TOMM20: variants seen among roughly 807,000 people sequenced by gnomAD.
TOMM20 encodes the protein mitochondrial import receptor subunit TOM20 homolog.
TOMM20 carries 10 observed loss-of-function variants against 22.1 expected under a neutral mutation model. The ratio of observed to expected loss-of-function variants is 0.45; its 90% CI spans 0.28 to 0.77. The LOEUF is 0.77. Among genes scored for constraint, TOMM20 ranks in the 30% least tolerant of loss-of-function variants. TOMM20 has a pLI of 0.13. For missense variants in TOMM20, 121 were observed against 172.2 expected, an observed-to-expected ratio of 0.70 and a Z score of 1.66; for synonymous variants, 55 against 61.4, an observed-to-expected ratio of 0.90 and a Z score of 0.49.
intron 3 of TOMM20, 34 bp downstream of exon 3, chr1:235,119,784 C>T (rs1462500543): frequency 6.9e-7 from 1 of 1,439,808 alleles, no homozygotes; most frequent in South Asian, 1.3e-5. Flanking sequence ...GAGAAAAATT[C>T]TACCCATTTC....
At chr1:235,118,473 T>C (rs189539140) in intron 3 of TOMM20, among the ~76,000 whole-genome samples, 29 of 152,334 alleles carry the variant, frequency 1.9e-4, no homozygotes, top group African/African-American at 6.5e-4. Context: ...GTAGGAGACT[T>C]GGAAATGTTT....
Position 235,119,877 on chromosome 1 carries a change from T to G in TOMM20, c.191A>C (p.Glu64Ala). ...TTCAAGGAAGAACTTCTGAACAGCTTCAGCATCTTTAAGGTCAGGTAACTG... is the reference window on the plus strand; with the variant it reads ...TTCAAGGAAGAACTTCTGAACAGCTGCAGCATCTTTAAGGTCAGGTAACTG... ...LSKLPDLKDAEAVQKFFLEEI... is the reference protein window; with the variant it reads ...LSKLPDLKDAAAVQKFFLEEI... Residue 64 changes from glutamate to alanine, a missense_variant, in exon 3 of 5, where the codon GAA becomes GCA. Coordinates refer to ENST00000366607, the MANE Select transcript of TOMM20 (RefSeq NM_014765.3). The G allele has an allele frequency of 1.9e-6, 3 of 1,611,562 alleles. No homozygotes were observed. Among genetic ancestry groups the G allele is most frequent in the Non-Finnish European group, 2.5e-6 (3 of 1,178,476 alleles).
At chr1:235,116,291 A>G (rs999082584) in intron 3 of TOMM20, among the ~76,000 whole-genome samples, 1 of 152,122 alleles carries the variant, frequency 6.6e-6, no homozygotes, top group African/African-American at 2.4e-5. Flanking sequence ...CTGTAATCCC[A>G]GCACTTTGGG....
At chr1:235,116,571 C>T (rs1201861210) in intron 3 of TOMM20, among the ~76,000 whole-genome samples, 6 of 151,176 alleles carry the variant, frequency 4.0e-5, no homozygotes, top group Non-Finnish European at 5.9e-5. Context: ...TGGTGGCACA[C>T]GCCTGTAATC....
At chr1:235,125,363 C>T (rs1660993661) in intron 1 of TOMM20, among the ~76,000 whole-genome samples, 1 of 152,238 alleles carries the variant, frequency 6.6e-6, no homozygotes, top group East Asian at 1.9e-4. Flanking sequence ...TACAGGCACC[C>T]GCCACCATGC....
At chr1:235,122,092 T>C (rs910062059) in intron 2 of TOMM20, among the ~76,000 whole-genome samples, 1 of 152,228 alleles carries the variant, frequency 6.6e-6, no homozygotes, top group African/African-American at 2.4e-5. Context: ...TTATTGTTCA[T>C]ACAGTAAGCT....
At chr1:235,124,753 T>G (rs1660984053) in intron 1 of TOMM20, among the ~76,000 whole-genome samples, 1 of 152,244 alleles carries the variant, frequency 6.6e-6, no homozygotes, top group Non-Finnish European at 1.5e-5. Flanking sequence ...TTAAGATCAC[T>G]TAGTTGCTTT....
At chr1:235,117,183 G>A (rs1302136546) in intron 3 of TOMM20, among the ~76,000 whole-genome samples, 1 of 144,190 alleles carries the variant, frequency 6.9e-6, no homozygotes, top group African/African-American at 2.6e-5. Context: ...AATAGACCAG[G>A]TGCAGTGGCT....
chr1:235,125,703 C>A (rs1019148353), intron 1 of TOMM20, among the ~76,000 whole-genome samples: 10 of 151,222 alleles, frequency 6.6e-5, no homozygotes, highest in Admixed American at 6.6e-4. Context: ...AGGCAAAATA[C>A]CCCTAAACTT....
chr1:235,112,716 T>A (rs1428314120), intron 4 of TOMM20, among the ~76,000 whole-genome samples: 1 of 152,168 alleles, frequency 6.6e-6, no homozygotes, highest in Non-Finnish European at 1.5e-5. Context: ...AGAACACTGA[T>A]AATTGAGTGA....
At chr1:235,117,556 C>A (rs1290625158) in intron 3 of TOMM20, among the ~76,000 whole-genome samples, 1 of 151,834 alleles carries the variant, frequency 6.6e-6, no homozygotes, top group Non-Finnish European at 1.5e-5. Context: ...TTAAGTATGT[C>A]TTAGGGAATA....
chr1:235,116,471 G>C lies in TOMM20; in HGVS notation c.251-2561C>G, dbSNP rs938888387. On this transcript the variant is annotated intron_variant, in intron 3 of 4. Transcript: ENST00000366607. ...AGAGAATCGCTTGAACCTGGAAGAC[G>C]GAAGTTGCAGTGAGCAAGATCATGC... 4.6e-5 allele frequency among the ~76,000 whole-genome samples: 7 copies of C among 151,960 alleles called. No homozygotes were observed. The East Asian group carries it at 1.4e-3, about 29-fold the overall frequency.
At chr1:235,124,136 C>G (rs1462942772) in intron 1 of TOMM20, among the ~76,000 whole-genome samples, 1 of 152,238 alleles carries the variant, frequency 6.6e-6, no homozygotes, top group African/African-American at 2.4e-5. Context: ...CACTGGAGGT[C>G]AGGAGTTCAA....
At chr1:235,121,515 AT>A (rs1396696228) in intron 2 of TOMM20, among the ~76,000 whole-genome samples, 4 of 152,192 alleles carry the variant, frequency 2.6e-5, no homozygotes, top group Non-Finnish European at 5.9e-5. Context: ...GTTTCCTCCC[AT>A]TTTCACTTCA....
chr1:235,122,334 G>A lies in TOMM20; in HGVS notation c.160C>T (p.Leu54Phe), dbSNP rs769464461. The A allele has an allele frequency of 9.0e-6, 14 of 1,555,804 alleles. No individual in the cohort carries two copies. Among genetic ancestry groups the A allele is most frequent in the Non-Finnish European group, 1.2e-5 (14 of 1,152,986 alleles). The change falls in exon 2 of 5, where the codon CTT becomes TTT. Residue 54 changes from leucine to phenylalanine, a missense_variant. Leu to Phe is a conservative substitution (Grantham distance 22). Coordinates refer to ENST00000366607, the MANE Select transcript of TOMM20 (RefSeq NM_014765.3). Reference sequence around the variant, plus strand: ...AGAAACCAGACTATTACCTTGGAAAGCCCAGCTCTCTCCTTGGCAAGCTTC... The same window carrying A: ...AGAAACCAGACTATTACCTTGGAAAACCCAGCTCTCTCCTTGGCAAGCTTC... ...KQKLAKERAGLSKLPDLKDAE... is the reference protein window; with the variant it reads ...KQKLAKERAGFSKLPDLKDAE...
rs1572125424 is a variant in TOMM20, at chr1:235,111,822, C to A, written c.*242G>T. On this transcript the variant is annotated 3_prime_UTR_variant, in exon 5 of 5. Transcript: ENST00000366607. ...CTATGTTTCAGGAATAAACAAAATCCATGATATTTTAGTAACTCATAGTGT... is the reference window on the plus strand; with the variant it reads ...CTATGTTTCAGGAATAAACAAAATCAATGATATTTTAGTAACTCATAGTGT... 1.9e-5 allele frequency: 8 copies of A among 430,380 alleles called. No individual in the cohort carries two copies. The East Asian group carries it at 3.7e-4, about 20-fold the overall frequency. 26.7% of individuals were successfully genotyped at this position (430,380 alleles called of 1,614,324 possible).
rs750150908 is a variant in TOMM20, at chr1:235,112,112, A to T, written c.394-4T>A. 6.3e-7 allele frequency: 1 copy of T among 1,599,686 alleles called. No homozygotes were observed. Among genetic ancestry groups the T allele is most frequent in the South Asian group, 1.1e-5 (1 of 88,150 alleles). On this transcript the variant is annotated splice_polypyrimidine_tract_variant and splice_region_variant and intron_variant, in intron 4 of 4. Coordinates refer to ENST00000366607, the MANE Select transcript of TOMM20 (RefSeq NM_014765.3). ...AGCTCTGAGCACTTACAATTCTCTGAAAGAAAAAAAAAATAATTTTTTAAA... is the reference window on the plus strand; with the variant it reads ...AGCTCTGAGCACTTACAATTCTCTGTAAGAAAAAAAAAATAATTTTTTAAA...
chr1:235,113,637 T>A (rs1660778777), intron 4 of TOMM20, 131 bp downstream of exon 4: 6 of 1,166,120 alleles, frequency 5.1e-6, no homozygotes, highest in Non-Finnish European at 4.7e-6. Flanking sequence ...CAAGCGCTGA[T>A]ATCTCCCATA....
intron 4 of TOMM20, among the ~76,000 whole-genome samples, chr1:235,112,498 T>C (rs1187763987): frequency 6.6e-6 from 1 of 152,118 alleles, no homozygotes; most frequent in African/African-American, 2.4e-5. Context: ...CATGCCACCA[T>C]GCCCGGCTAA....
Sources: gnomAD v4.1 joint callset for allele counts (sites outside exome capture counted in the v4.1 genomes callset) on GRCh38, gnomAD v4.1.1 for gene constraint, MANE v1.5 for transcripts, NCBI Gene and HGNC (gene_info 2026-07-23, HGNC 2026-07-21) for gene names.